ZCCHC14: variants seen among roughly 807,000 people sequenced by gnomAD.
ZCCHC14 encodes zinc finger CCHC domain-containing protein 14.
In ZCCHC14, 16 loss-of-function variants were observed where a neutral mutation model predicts 85.0. The observed-to-expected ratio is 0.19, with a 90% CI of 0.13 to 0.29. ZCCHC14 has a LOEUF of 0.29. Among genes scored for constraint, ZCCHC14 ranks in the 10% least tolerant of loss-of-function variants. The pLI is 1.00. For synonymous variants in ZCCHC14, 775 were observed against 630.7 expected (o/e 1.23, Z -3.43); for missense variants, 1,303 against 1,443.5 (o/e 0.90, Z 1.58).
At chr16:87,418,704 T>C (rs1009367675) in intron 7 of ZCCHC14, 143 bp downstream of exon 7, 67 of 870,654 alleles carry the variant, frequency 7.7e-5, no homozygotes, top group Non-Finnish European at 9.9e-5. Flanking sequence ...GTAAATTCAA[T>C]CATCTCTACT....
chr16:87,490,641 C>G (rs1035191236), intron 1 of ZCCHC14, among the ~76,000 whole-genome samples: 20 of 152,202 alleles, frequency 1.3e-4, no homozygotes, highest in African/African-American at 4.3e-4. Flanking sequence ...CTTAAGGCAT[C>G]GGTGCCCTCC....
chr16:87,477,201 T>C (rs1404728285), intron 1 of ZCCHC14, among the ~76,000 whole-genome samples: 3 of 145,868 alleles, frequency 2.1e-5, no homozygotes, highest in Non-Finnish European at 3.0e-5. Flanking sequence ...ACTTAAAATA[T>C]GTGCATTTCA....
intron 9 of ZCCHC14, among the ~76,000 whole-genome samples, chr16:87,414,927 A>G (rs1301497541): frequency 6.6e-6 from 1 of 152,036 alleles, no homozygotes; most frequent in African/African-American, 2.4e-5. Flanking sequence ...CTAAAAATAC[A>G]AAAAATTAGC....
chr16:87,451,222 G>C (rs1230637377), intron 2 of ZCCHC14, among the ~76,000 whole-genome samples: 1 of 143,634 alleles, frequency 7.0e-6, no homozygotes, highest in African/African-American at 2.6e-5. Context: ...TTGAGATAGA[G>C]TTTTTCTCTT....
At chr16:87,425,537 T>C (rs981165181) in intron 3 of ZCCHC14, among the ~76,000 whole-genome samples, 6 of 151,160 alleles carry the variant, frequency 4.0e-5, no homozygotes, top group Admixed American at 6.6e-5. Flanking sequence ...GATCGCGCCA[T>C]TGCACTCCAG....
intron 3 of ZCCHC14, among the ~76,000 whole-genome samples, chr16:87,430,892 C>G (rs1909623401): frequency 6.6e-6 from 1 of 152,164 alleles, no homozygotes; most frequent in Admixed American, 6.5e-5. Context: ...GTAATCCCAG[C>G]ACTTTGGGAG....
chr16:87,407,257 A>C lies in ZCCHC14; in HGVS notation c.*3023T>G, dbSNP rs1413064093. On this transcript the variant is annotated 3_prime_UTR_variant, in exon 13 of 13. Transcript: ENST00000671377. ...GTACTGAATTAAAAATACAGAACCT[A>C]CTAACACTACTGTATTAACAAGCTG... is the stretch of plus-strand genomic sequence containing the variant. The C allele has an allele frequency of 6.6e-6, 1 of 152,264 alleles. No individual in the cohort carries two copies. The highest frequency in any genetic ancestry group is 1.5e-5 in the Non-Finnish European group (1 of 68,038). 9.4% of individuals were successfully genotyped at this position (152,264 alleles called of 1,614,324 possible).
At chr16:87,415,701 CCAG>C (rs900277998) in intron 8 of ZCCHC14, among the ~76,000 whole-genome samples, 1 of 152,144 alleles carries the variant, frequency 6.6e-6, no homozygotes, top group African/African-American at 2.4e-5. Flanking sequence ...TGAGTAAATA[CCAG>C]CAGGTACATG....
intron 1 of ZCCHC14, among the ~76,000 whole-genome samples, chr16:87,484,788 T>C (rs1567545806): frequency 1.3e-5 from 2 of 152,002 alleles, no homozygotes; most frequent in African/African-American, 4.8e-5. Flanking sequence ...GTGTTAAAGG[T>C]GGGGTTTTGT....
At chr16:87,429,372 TCTCA>T (rs918822172) in intron 3 of ZCCHC14, among the ~76,000 whole-genome samples, 3 of 152,000 alleles carry the variant, frequency 2.0e-5, no homozygotes, top group African/African-American at 7.3e-5. Context: ...GGAGACAGGG[TCTCA>T]CTGTTGCCCA....
chr16:87,451,522 G>C (rs866645907), intron 2 of ZCCHC14, among the ~76,000 whole-genome samples: 1 of 152,238 alleles, frequency 6.6e-6, no homozygotes, highest in African/African-American at 2.4e-5. Flanking sequence ...AATGATTAGT[G>C]ATGTGGCATT....
Position 87,417,717 on chromosome 16 carries a change from G to T in ZCCHC14, c.1126C>A (p.Pro376Thr). The T allele has an allele frequency of 6.2e-7, 1 of 1,601,850 alleles. No individual in the cohort carries two copies. Among genetic ancestry groups the T allele is most frequent in the Non-Finnish European group, 8.5e-7 (1 of 1,175,608 alleles). Residue 376 changes from proline (P) to threonine (T), a missense_variant, in exon 8 of 13, where the codon CCG becomes ACG. Physicochemically the swap from Pro to Thr is conservative, Grantham distance 38. Around this residue, in one of 7 missense-constraint regions of ZCCHC14, gnomAD observed 389 missense variants for 397.8 expected, o/e 0.98. Transcript: ENST00000671377. The part of the protein sequence containing the change: ...GRPVCGVAGI[P>T]SSQSGAQHHG... ...TGCTGGGCTCCGCTCTGCGAGGACGGGATACCAGCCACTCCACACACAGGC... is the reference window on the plus strand; with the variant it reads ...TGCTGGGCTCCGCTCTGCGAGGACGTGATACCAGCCACTCCACACACAGGC...
intron 3 of ZCCHC14, among the ~76,000 whole-genome samples, chr16:87,427,382 C>G (rs1015307102): frequency 6.6e-6 from 1 of 152,294 alleles, no homozygotes; most frequent in African/African-American, 2.4e-5. Context: ...ACAGCGTACT[C>G]GGAGCAGTCA....
chr16:87,489,808 C>T (rs1912670040), intron 1 of ZCCHC14, among the ~76,000 whole-genome samples: 2 of 152,200 alleles, frequency 1.3e-5, no homozygotes, highest in Non-Finnish European at 2.9e-5. Flanking sequence ...GCTCACTGCC[C>T]AATCAAAATA....
Position 87,420,616 on chromosome 16 carries a change from G to A in ZCCHC14, c.941C>T (p.Ser314Leu), listed in dbSNP as rs773434215. 1 of 1,613,054 alleles carries A rather than the reference G, an allele frequency of 6.2e-7. No individual in the cohort carries two copies. The highest frequency in any genetic ancestry group is 8.5e-7 in the Non-Finnish European group (1 of 1,179,550). Residue 314 changes from serine (S) to leucine (L), a missense_variant, in exon 5 of 13, where the codon TCA becomes TTA. Ser to Leu is a moderately radical substitution (Grantham distance 145). This residue lies in a region of ZCCHC14 where 389 missense variants were observed against 397.8 expected (regional missense o/e 0.98). Coordinates refer to ENST00000671377, the MANE Select transcript of ZCCHC14 (RefSeq NM_015144.3). This position sits in a 1 kb window ranked among gnomAD's most constrained non-coding sequence, Gnocchi z 5.0. Reference sequence around the variant, plus strand: ...CTGGTAAGGGCCTCACCTCAGGCCTGAGTCCAGATCCACGTGGTTTCGCTC... The same window carrying A: ...CTGGTAAGGGCCTCACCTCAGGCCTAAGTCCAGATCCACGTGGTTTCGCTC... ...YVERNHVDLD[S>L]GLRYLASLPS...
chr16:87,485,202 A>T (rs1176977442), intron 1 of ZCCHC14, among the ~76,000 whole-genome samples: 1 of 152,174 alleles, frequency 6.6e-6, no homozygotes, highest in Non-Finnish European at 1.5e-5. Flanking sequence ...TCATGCCCTG[A>T]TCAGACATGA....
chr16:87,455,478 T>C (rs1679500121), intron 2 of ZCCHC14, among the ~76,000 whole-genome samples: 1 of 152,188 alleles, frequency 6.6e-6, no homozygotes, highest in African/African-American at 2.4e-5. Context: ...GTTGCTTCTC[T>C]TAAATGGGGG....
rs1262962724 is a variant in ZCCHC14 at position 87,436,858 on chromosome 16, T to A, written c.695-3657A>T. Among the ~76,000 whole-genome samples, 3 of 152,248 alleles carry A rather than the reference T, an allele frequency of 2.0e-5. No individual in the cohort carries two copies. In the East Asian group the frequency reaches 5.8e-4, roughly 29 times the overall value. On this transcript the variant is annotated intron_variant, in intron 2 of 12. Transcript: ENST00000671377. ...ATCGAAAGTGATGGGAACAGCTGTG[T>A]ACGGTGGCGAAGTGAAGAGTAGCTT...
rs563047636 is a variant in ZCCHC14, at chr16:87,464,038, G to A, written c.571-3907C>T. On this transcript the variant is annotated intron_variant, in intron 1 of 12. Coordinates refer to ENST00000671377, the MANE Select transcript of ZCCHC14 (RefSeq NM_015144.3). The stretch of plus-strand genomic sequence containing the variant: ...CAGCAGTTCCAACTTTGCTGGTAGT[G>A]GCAAACCTTCCTGCCCCAAAAAGAA... Among the ~76,000 whole-genome samples, 10 of 152,306 alleles carry A rather than the reference G, an allele frequency of 6.6e-5. No homozygotes were observed. In the South Asian group the frequency reaches 2.1e-3, roughly 32 times the overall value.
Sources: gnomAD v4.1 joint callset for allele counts (sites outside exome capture counted in the v4.1 genomes callset) on GRCh38, gnomAD v4.1.1 for gene constraint, gnomAD v4.1.1 regional missense constraint, Gnocchi (gnomAD v3.1) non-coding constraint, MANE v1.5 for transcripts, NCBI Gene and HGNC (gene_info 2026-07-23, HGNC 2026-07-21) for gene names.